FAM78A: variants seen among roughly 807,000 people sequenced by gnomAD.
FAM78A encodes the protein protein FAM78A.
A neutral mutation model predicts 22.6 loss-of-function variants in FAM78A; 12 were observed. The observed-to-expected ratio is 0.53, with a 90% confidence interval of 0.34 to 0.86. FAM78A has a LOEUF of 0.86. Among genes scored for constraint, FAM78A ranks in the 40% least tolerant of loss-of-function variants. FAM78A has a pLI of 0.02. For missense variants in FAM78A, 322 were observed against 396.1 expected (o/e 0.81, Z 1.59); for synonymous variants, 151 against 155.8 (o/e 0.97, Z 0.23).
At chr9:131,276,961 G>A (rs1835495322), upstream of FAM78A, among the ~76,000 whole-genome samples, 1 of 149,562 alleles carries the variant, frequency 6.7e-6, no homozygotes, top group Non-Finnish European at 1.5e-5. The surrounding 1 kb of genome is among the most constrained non-coding windows in gnomAD (Gnocchi z 4.3). Flanking sequence ...GAGGTGGAAG[G>A]GACAGCGCGT....
rs1303379853 is a variant in FAM78A at position 131,276,257 on chromosome 9, G to A, written c.-78C>T. On this transcript the variant is annotated 5_prime_UTR_variant, in exon 1 of 2. Transcript: ENST00000372271. This position sits in a 1 kb window ranked among gnomAD's most constrained non-coding sequence, Gnocchi z 4.3. ...CAACTCTCAAGACCGATATCCATAG[G>A]ATAGAAAACTCACTGAGTAGACTGG... 8.0e-7 allele frequency: 1 copy of A among 1,246,708 alleles called. No homozygotes were observed. Among genetic ancestry groups the A allele is most frequent in the East Asian group, 2.4e-5 (1 of 41,338 alleles). The allele number at this position is 1,246,708 out of a possible 1,614,324, so 77.2% of individuals were successfully genotyped here.
chr9:131,274,988 A>G lies in FAM78A; in HGVS notation c.323+869T>C, dbSNP rs911080353. ...CAGCTATTTTCACCATCCCTGTCTT[A>G]GGGTGAACCTTCAGATTAAGTCACT... On this transcript the variant is annotated intron_variant, in intron 1 of 1. Coordinates refer to ENST00000372271, the MANE Select transcript of FAM78A (RefSeq NM_033387.4). This position sits in a 1 kb window ranked among gnomAD's most constrained non-coding sequence, Gnocchi z 4.2. Among the ~76,000 whole-genome samples the G allele has an allele frequency of 6.6e-6, 1 of 152,186 alleles. No homozygotes were observed. Among genetic ancestry groups the G allele is most frequent in the African/African-American group, 2.4e-5 (1 of 41,444 alleles).
At chr9:131,269,536 G>A (rs146538039) in intron 1 of FAM78A, among the ~76,000 whole-genome samples, 100 of 152,048 alleles carry the variant, frequency 6.6e-4, no homozygotes, top group Admixed American at 2.3e-3. Context: ...GAGTGCAGTG[G>A]CGTGATCTCG....
chr9:131,275,848 C>A lies in FAM78A; in HGVS notation c.323+9G>T. ...GCAGTTCCCAGAGCTGGCTCTCGGC[C>A]GTACTCACATGCCCTGCTCGCCGTA... is the stretch of plus-strand genomic sequence containing the variant. On this transcript the variant is annotated intron_variant, in intron 1 of 1. Transcript: ENST00000372271. This position sits in a 1 kb window ranked among gnomAD's most constrained non-coding sequence, Gnocchi z 4.6. 1 of 1,570,046 alleles carries A rather than the reference C, an allele frequency of 6.4e-7. No individual in the cohort carries two copies. Among genetic ancestry groups the A allele is most frequent in the South Asian group, 1.2e-5 (1 of 84,100 alleles).
intron 1 of FAM78A, chr9:131,264,588 T>TCAC (rs1391172593): frequency 2.8e-6 from 2 of 717,242 alleles, no homozygotes; most frequent in African/African-American, 3.5e-5. Context: ...ACTCACTGCC[T>TCAC]GGTGCAGCCA....
At position 131,265,442 on chromosome 9, in the gene FAM78A, T is replaced by C. The variant is rs1055647412; in HGVS notation, c.324-4092A>G. On this transcript the variant is annotated intron_variant, in intron 1 of 1. Transcript: ENST00000372271. This position sits in a 1 kb window ranked among gnomAD's most constrained non-coding sequence, Gnocchi z 4.3. ...GACTAATTATTTAGTAGAGATGGGGTTTCACCGTGTTATTCAGGTTGGTCT... is the reference window on the plus strand; with the variant it reads ...GACTAATTATTTAGTAGAGATGGGGCTTCACCGTGTTATTCAGGTTGGTCT... Among the ~76,000 whole-genome samples the C allele has an allele frequency of 3.9e-5, 6 of 152,050 alleles. No homozygotes were observed. The highest frequency in any genetic ancestry group is 1.4e-4 in the African/African-American group (6 of 41,388).
At chr9:131,279,097 C>T (rs370917407), upstream of FAM78A, among the ~76,000 whole-genome samples, 6 of 152,352 alleles carry the variant, frequency 3.9e-5, no homozygotes, top group African/African-American at 1.4e-4. Flanking sequence ...GCCCGTATCC[C>T]CAGCTAATGA....
chr9:131,264,829 T>A, intron 1 of FAM78A: 1 of 523,548 alleles, frequency 1.9e-6, no homozygotes, highest in Non-Finnish European at 3.4e-6. Flanking sequence ...GTTCAAGTGA[T>A]TCTTCTGCCT....
rs1403629760 is a variant in FAM78A, at chr9:131,261,548, T to C, written c.324-198A>G. On this transcript the variant is annotated intron_variant, in intron 1 of 1. Coordinates refer to ENST00000372271, the MANE Select transcript of FAM78A (RefSeq NM_033387.4). The surrounding 1 kb of genome is among the most constrained non-coding windows in gnomAD (Gnocchi z 7.1). ...GTCATCACTGCTGCTGTTACAATCA[T>C]AACCCTCAGACAGAAGAAGGTGGCC... Among the ~76,000 whole-genome samples the C allele has an allele frequency of 6.6e-6, 1 of 152,032 alleles. No individual in the cohort carries two copies. Among genetic ancestry groups the C allele is most frequent in the African/African-American group, 2.4e-5 (1 of 41,384 alleles).
At chr9:131,264,427 G>A (rs915505887) in intron 1 of FAM78A, 41 of 594,146 alleles carry the variant, frequency 6.9e-5, no homozygotes, top group South Asian at 2.9e-4. Flanking sequence ...GGGTTGCAGC[G>A]GGTGCAGCAG....
Position 131,271,001 on chromosome 9 carries a change from CTT to C in FAM78A, c.323+4854_323+4855del, listed in dbSNP as rs60077536. On this transcript the variant is annotated intron_variant, in intron 1 of 1. Transcript: ENST00000372271. ...CCCTGCCCTGTCCTTTCCCACCAGT[CTT>C]TTTTTTTTTTTTTTTTTTTTGAGAT... Among the ~76,000 whole-genome samples the C allele has an allele frequency of 2.2e-3, 155 of 70,398 alleles. 8 individuals carry two copies. The highest frequency in any genetic ancestry group is 7.4e-3 in the East Asian group (11 of 1,488). The allele number at this position is 70,398 out of a possible 152,430, so 46.2% of individuals were successfully genotyped here.
At chr9:131,263,256 A>T (rs922443967) in intron 1 of FAM78A, among the ~76,000 whole-genome samples, 1 of 143,944 alleles carries the variant, frequency 6.9e-6, no homozygotes, top group Non-Finnish European at 1.5e-5. Context: ...AAAAAAAAAG[A>T]AAAAGAAAAG....
At position 131,260,918 on chromosome 9, in the gene FAM78A, G is replaced by A. The variant is rs138351212; in HGVS notation, c.756C>T (p.Ser252=). 1,613 of 1,593,184 alleles carry A rather than the reference G, an allele frequency of 1.0e-3. 1 individual carries two copies. Among genetic ancestry groups the A allele is most frequent in the Non-Finnish European group, 1.3e-3 (1,470 of 1,166,760 alleles). Residue 252 remains serine (S), a synonymous_variant, in exon 2 of 2, where the codon AGC becomes AGT. Coordinates refer to ENST00000372271, the MANE Select transcript of FAM78A (RefSeq NM_033387.4). This position sits in a 1 kb window ranked among gnomAD's most constrained non-coding sequence, Gnocchi z 5.4. ...CGTTGGCATTGGGCTTGACCAGGGCGCTGGGCGGGATGGGCTCATTCTTGC... is the reference window on the plus strand; with the variant it reads ...CGTTGGCATTGGGCTTGACCAGGGCACTGGGCGGGATGGGCTCATTCTTGC... ...ILSKNEPIPP[S]ALVKPNANDA... is the part of the protein sequence containing the mutation.
intron 1 of FAM78A, among the ~76,000 whole-genome samples, chr9:131,266,664 C>T (rs1346531167): frequency 8.5e-5 from 13 of 152,232 alleles, no homozygotes. Context: ...TCCCACTGCC[C>T]CGTGGCCTGT....
rs1276324392 is a variant in FAM78A at position 131,274,504 on chromosome 9, A to G, written c.323+1353T>C. ...TCTTGAGACACAAAGGGGTTGGCAC[A>G]GAAATCAGGCTGGTGGAGAGGGCCG... On this transcript the variant is annotated intron_variant, in intron 1 of 1. Coordinates refer to ENST00000372271, the MANE Select transcript of FAM78A (RefSeq NM_033387.4). This position sits in a 1 kb window ranked among gnomAD's most constrained non-coding sequence, Gnocchi z 4.2. 6.6e-6 allele frequency among the ~76,000 whole-genome samples: 1 copy of G among 152,208 alleles called. No individual in the cohort carries two copies. Among genetic ancestry groups the G allele is most frequent in the East Asian group, 1.9e-4 (1 of 5,192 alleles).
Position 131,259,054 on chromosome 9 carries a change from C to G in FAM78A, c.*1768G>C, listed in dbSNP as rs1244791686. ...AGGGCAGGGACTTTGGTTCCCACACCGTCCCACGCTGTCACGGAGACTCTT... is the reference window on the plus strand; with the variant it reads ...AGGGCAGGGACTTTGGTTCCCACACGGTCCCACGCTGTCACGGAGACTCTT... On this transcript the variant is annotated 3_prime_UTR_variant, in exon 2 of 2. Coordinates refer to ENST00000372271, the MANE Select transcript of FAM78A (RefSeq NM_033387.4). 1 of 152,694 alleles carries G rather than the reference C, an allele frequency of 6.5e-6. No homozygotes were observed. The highest frequency in any genetic ancestry group is 1.5e-5 in the Non-Finnish European group (1 of 68,058). 9.5% of individuals were successfully genotyped at this position (152,694 alleles called of 1,614,324 possible).
In FAM78A at chr9:131,274,084, C is replaced by T. The variant is rs1190948225; in HGVS notation, c.323+1773G>A. Among the ~76,000 whole-genome samples, 1 of 152,236 alleles carries T rather than the reference C, an allele frequency of 6.6e-6. No homozygotes were observed. The highest frequency in any genetic ancestry group is 1.5e-5 in the Non-Finnish European group (1 of 68,048). ...CATCACCCACACCTACTCAGGGTCACCAGATGGAGAACAAGTCTTAGACAA... is the reference window on the plus strand; with the variant it reads ...CATCACCCACACCTACTCAGGGTCATCAGATGGAGAACAAGTCTTAGACAA... On this transcript the variant is annotated intron_variant, in intron 1 of 1. Transcript: ENST00000372271. The surrounding 1 kb of genome is among the most constrained non-coding windows in gnomAD (Gnocchi z 4.2).
chr9:131,280,627 T>C (rs995290429), upstream of FAM78A, among the ~76,000 whole-genome samples: 2 of 152,054 alleles, frequency 1.3e-5, no homozygotes, highest in Non-Finnish European at 2.9e-5. Flanking sequence ...CTCAAAGTGT[T>C]GTCAGTGGGA....
chr9:131,270,622 C>A, intron 1 of FAM78A: 1 of 683,590 alleles, frequency 1.5e-6, no homozygotes, highest in Non-Finnish European at 2.7e-6. Flanking sequence ...CCCACCCACC[C>A]CGCCCTTGCC....
Sources: allele counts gnomAD v4.1 joint callset (sites outside exome capture counted in the v4.1 genomes callset), GRCh38; gene constraint gnomAD v4.1.1; non-coding constraint Gnocchi (gnomAD v3.1); transcripts MANE v1.5; gene names NCBI Gene and HGNC (gene_info 2026-07-23, HGNC 2026-07-21).